Variants in LRRC4C observed in about 807,000 individuals in gnomAD.
LRRC4C encodes leucine rich repeat containing 4C.
LRRC4C carries 5 observed loss-of-function variants against 33.6 expected under a neutral mutation model. The observed-to-expected ratio is 0.15, with a 90% CI of 0.08 to 0.31. LRRC4C has a LOEUF of 0.31. Ranked by LOEUF, LRRC4C falls within the 10% of genes least tolerant of loss-of-function variation. The pLI, the probability that LRRC4C is intolerant of heterozygous loss-of-function variation, is 1.00. For missense variants in LRRC4C, 560 were observed against 796.7 expected (o/e 0.70, Z 3.58); for synonymous variants, 329 against 302.0 (o/e 1.09, Z -0.93).
chr11:40,579,833 C>T (rs1409135124), intron 3 of LRRC4C, among the ~76,000 whole-genome samples: 1 of 152,160 alleles, frequency 6.6e-6, no homozygotes, highest in Non-Finnish European at 1.5e-5. Flanking sequence ...CCCTGTCACC[C>T]AGGCTGGAGT....
intron 3 of LRRC4C, among the ~76,000 whole-genome samples, chr11:40,475,357 AACC>A (rs1953158971): frequency 6.6e-6 from 1 of 152,174 alleles, no homozygotes; most frequent in Non-Finnish European, 1.5e-5. Flanking sequence ...AGGAACAGAA[AACC>A]AAACACCACA....
At chr11:41,286,079 T>C (rs1289211366) in intron 1 of LRRC4C, among the ~76,000 whole-genome samples, 1 of 152,144 alleles carries the variant, frequency 6.6e-6, no homozygotes, top group Non-Finnish European at 1.5e-5. Flanking sequence ...TTCACCCACC[T>C]AGGCCTCCCA....
intron 2 of LRRC4C, among the ~76,000 whole-genome samples, chr11:40,693,762 C>A (rs1343940657): frequency 6.6e-6 from 1 of 151,914 alleles, no homozygotes; most frequent in Non-Finnish European, 1.5e-5. Flanking sequence ...GGAATAAATT[C>A]ATCTTAAAAA....
chr11:41,115,283 G>A (rs1942055572), intron 1 of LRRC4C, among the ~76,000 whole-genome samples: 1 of 151,826 alleles, frequency 6.6e-6, no homozygotes, highest in African/African-American at 2.4e-5. Flanking sequence ...TGAATTTTAA[G>A]AAAAGAACAA....
At chr11:40,688,415 T>C (rs1193165745) in intron 2 of LRRC4C, among the ~76,000 whole-genome samples, 1 of 152,138 alleles carries the variant, frequency 6.6e-6, no homozygotes, top group African/African-American at 2.4e-5. Context: ...ACTGCTATAG[T>C]GATCTGGCAG....
chr11:41,303,118 CCTCA>C (rs1950333345), intron 1 of LRRC4C, among the ~76,000 whole-genome samples: 1 of 136,570 alleles, frequency 7.3e-6, no homozygotes, highest in African/African-American at 2.6e-5. Context: ...TCTCCCTCTC[CCTCA>C]CCCCACGGTC....
chr11:41,115,694 G>T (rs540993098), intron 1 of LRRC4C, among the ~76,000 whole-genome samples: 1 of 152,050 alleles, frequency 6.6e-6, no homozygotes, highest in Non-Finnish European at 1.5e-5. Flanking sequence ...AGGCCCAATA[G>T]CTGAGATCCA....
At chr11:41,425,526 G>C (rs543802303) in intron 1 of LRRC4C, among the ~76,000 whole-genome samples, 2 of 151,986 alleles carry the variant, frequency 1.3e-5, no homozygotes, top group Non-Finnish European at 2.9e-5. Flanking sequence ...CAAGACCTCC[G>C]TCTAATTTCG....
intron 3 of LRRC4C, among the ~76,000 whole-genome samples, chr11:40,457,315 C>T (rs1952185223): frequency 6.6e-6 from 1 of 151,802 alleles, no homozygotes; most frequent in African/African-American, 2.4e-5. Flanking sequence ...AATTCATACC[C>T]ATTGTATAAA....
At chr11:41,107,269 T>A (rs937809722) in intron 1 of LRRC4C, among the ~76,000 whole-genome samples, 6 of 152,054 alleles carry the variant, frequency 3.9e-5, no homozygotes, top group African/African-American at 1.2e-4. Context: ...CACCTTCTAA[T>A]GCAGTTACTT....
chr11:40,865,327 G>A (rs951609882), intron 2 of LRRC4C, among the ~76,000 whole-genome samples: 1 of 151,978 alleles, frequency 6.6e-6, no homozygotes, highest in Non-Finnish European at 1.5e-5. Flanking sequence ...GGAGATGCTG[G>A]TTAAAAGGTA....
chr11:40,448,904 G>C (rs1951762882), intron 3 of LRRC4C, among the ~76,000 whole-genome samples: 1 of 152,130 alleles, frequency 6.6e-6, no homozygotes, highest in Non-Finnish European at 1.5e-5. Flanking sequence ...ATCCCCTTTA[G>C]CATCTGTTGT....
chr11:41,385,292 C>T (rs952150711), intron 1 of LRRC4C, among the ~76,000 whole-genome samples: 3 of 151,544 alleles, frequency 2.0e-5, no homozygotes, highest in African/African-American at 7.2e-5. Flanking sequence ...TACCCAAATA[C>T]TGCAGAATAT....
chr11:40,998,818 G>C (rs1435610045), intron 1 of LRRC4C, among the ~76,000 whole-genome samples: 3 of 152,124 alleles, frequency 2.0e-5, no homozygotes, highest in Non-Finnish European at 2.9e-5. Flanking sequence ...ATAATGTACT[G>C]AGGAGAGATT....
chr11:41,292,920 T>C lies in LRRC4C; in HGVS notation c.-496+166511A>G, dbSNP rs568104613. On this transcript the variant is annotated intron_variant, in intron 1 of 6. Transcript: ENST00000528697. ...GCAATTTCTAATTTAGGAAACACTG[T>C]GACCAGTAGACATATGCATAAAGCC... 3.9e-5 allele frequency among the ~76,000 whole-genome samples: 6 copies of C among 152,290 alleles called. No homozygotes were observed. The East Asian group carries it at 1.2e-3, about 29-fold the overall frequency.
At chr11:40,948,134 C>T (rs1958496264) in intron 1 of LRRC4C, among the ~76,000 whole-genome samples, 1 of 151,996 alleles carries the variant, frequency 6.6e-6, no homozygotes, top group Non-Finnish European at 1.5e-5. Flanking sequence ...TATGACTCCC[C>T]CATATAAGTC....
intron 1 of LRRC4C, among the ~76,000 whole-genome samples, chr11:41,085,986 A>C (rs1017157813): frequency 3.3e-5 from 5 of 150,242 alleles, no homozygotes; most frequent in Non-Finnish European, 7.4e-5. Flanking sequence ...CCTTCCACCC[A>C]TTTCTCTCTC....
intron 1 of LRRC4C, among the ~76,000 whole-genome samples, chr11:41,167,793 C>T (rs186140817): frequency 1.3e-5 from 2 of 152,262 alleles, no homozygotes; most frequent in African/African-American, 4.8e-5. Flanking sequence ...TGATGCTCTC[C>T]TGCAATGAAT....
chr11:40,332,501 A>C (rs1946407869), intron 3 of LRRC4C, among the ~76,000 whole-genome samples: 1 of 152,226 alleles, frequency 6.6e-6, no homozygotes, highest in Non-Finnish European at 1.5e-5. Flanking sequence ...CATAACTACC[A>C]GGGCTTAGGA....
Sources: gnomAD v4.1 joint callset for allele counts (sites outside exome capture counted in the v4.1 genomes callset) on GRCh38, gnomAD v4.1.1 for gene constraint, MANE v1.5 for transcripts, NCBI Gene and HGNC (gene_info 2026-07-23, HGNC 2026-07-21) for gene names.